Variants in PECAM1 observed in about 807,000 individuals in gnomAD.
The protein encoded by PECAM1 is platelet and endothelial cell adhesion molecule 1.
A neutral mutation model predicts 13.8 loss-of-function variants in PECAM1; 8 were observed. The observed-to-expected ratio is 0.58, with a 90% CI of 0.34 to 1.05. The LOEUF (loss-of-function observed/expected upper bound fraction) is 1.05. PECAM1 is among the 50% of genes least tolerant of loss of function. The pLI, the probability that PECAM1 is intolerant of heterozygous loss-of-function variation, is 0.03. For missense variants in PECAM1, 304 were observed against 141.2 expected (o/e 2.15, Z -5.84); for synonymous variants, 136 against 52.6 (o/e 2.58, Z -6.86).
chr17:64,386,529 A>C (rs1480105809), intron 2 of PECAM1, among the ~76,000 whole-genome samples: 1 of 152,204 alleles, frequency 6.6e-6, no homozygotes, highest in African/African-American at 2.4e-5. Context: ...ATTTTACCAC[A>C]ATTTAAAAAA....
At chr17:64,345,503 A>C (rs2035541110) in intron 13 of PECAM1, among the ~76,000 whole-genome samples, 1 of 152,062 alleles carries the variant, frequency 6.6e-6, no homozygotes, top group Non-Finnish European at 1.5e-5. Context: ...ACCTGAGGTC[A>C]GGAGTTGGAG....
At chr17:64,359,840 C>T (rs980874231) in intron 7 of PECAM1, among the ~76,000 whole-genome samples, 3 of 151,800 alleles carry the variant, frequency 2.0e-5, no homozygotes, top group Admixed American at 6.6e-5. Flanking sequence ...GCAACCTCTG[C>T]TTCCTGGGTT....
intron 2 of PECAM1, among the ~76,000 whole-genome samples, chr17:64,384,158 G>C (rs1477478203): frequency 2.0e-5 from 3 of 151,936 alleles, no homozygotes; most frequent in African/African-American, 7.3e-5. Flanking sequence ...AACAATAAAC[G>C]AACTCAATGG....
Position 64,321,622 on chromosome 17 carries a change from A to G in PECAM1, c.*2194T>C, listed in dbSNP as rs2034812870. 2 of 470,108 alleles carry G rather than the reference A, an allele frequency of 4.3e-6. No homozygotes were observed. Among genetic ancestry groups the G allele is most frequent in the African/African-American group, 2.1e-5 (1 of 47,772 alleles). The allele number at this position is 470,108 out of a possible 1,614,324, so 29.1% of individuals were successfully genotyped here. A position where few individuals can be genotyped will look rare whatever the true frequency, so the allele number is the denominator to read the frequency against. ...AAAAAAAATTAAAAATTAGCCAGCT[A>G]TGGCGGCTCACGCCTCTGGTCCCAG... On this transcript the variant is annotated 3_prime_UTR_variant, in exon 16 of 16. Coordinates refer to ENST00000563924, the MANE Select transcript of PECAM1 (RefSeq NM_000442.5).
At chr17:64,372,267 G>T (rs950198460) in intron 4 of PECAM1, among the ~76,000 whole-genome samples, 21 of 152,040 alleles carry the variant, frequency 1.4e-4, no homozygotes, top group Admixed American at 4.6e-4. Flanking sequence ...AAGAAAGAAA[G>T]AAAAAGTTTG....
chr17:64,366,102 A>G (rs1304749113), intron 5 of PECAM1, among the ~76,000 whole-genome samples: 1 of 147,216 alleles, frequency 6.8e-6, no homozygotes, highest in East Asian at 2.0e-4. Context: ...TCCAGAATCT[A>G]CAATGAACTC....
intron 6 of PECAM1, among the ~76,000 whole-genome samples, chr17:64,362,832 C>A: frequency 1.4e-5 from 1 of 70,764 alleles, no homozygotes. Context: ...CTGGGCGACA[C>A]GTCTCAAAAA....
chr17:64,379,804 G>A (rs948979190), intron 2 of PECAM1, among the ~76,000 whole-genome samples: 55 of 151,688 alleles, frequency 3.6e-4, no homozygotes, highest in African/African-American at 1.2e-3. Flanking sequence ...CAGGAGGATC[G>A]CTTGAGCCCA....
At chr17:64,379,606 T>C in intron 2 of PECAM1, among the ~76,000 whole-genome samples, 1 of 152,306 alleles carries the variant, frequency 6.6e-6, no homozygotes. Flanking sequence ...ACTCACTAGC[T>C]TCCCTGTGGT....
chr17:64,328,847 G>A (rs962682800), intron 15 of PECAM1, among the ~76,000 whole-genome samples: 2 of 152,150 alleles, frequency 1.3e-5, no homozygotes, highest in Non-Finnish European at 2.9e-5. Context: ...CAAAAAGGTT[G>A]GGATTGGAAG....
intron 14 of PECAM1, among the ~76,000 whole-genome samples, chr17:64,338,301 A>C (rs2035337201): frequency 6.9e-6 from 1 of 144,760 alleles, no homozygotes; most frequent in Non-Finnish European, 1.5e-5. Flanking sequence ...GCTGGTCTCA[A>C]ATTCCTGGGC....
chr17:64,350,324 G>C (rs1167780165), intron 12 of PECAM1, 56 bp downstream of exon 12: 1 of 408,690 alleles, frequency 2.4e-6, no homozygotes, highest in African/African-American at 2.1e-5. Context: ...TTTCCTATGA[G>C]TCTTTTTTTT....
At chr17:64,387,558 C>T (rs992524129) in intron 2 of PECAM1, among the ~76,000 whole-genome samples, 8 of 152,028 alleles carry the variant, frequency 5.3e-5, no homozygotes, top group Admixed American at 4.6e-4. Context: ...CTTGAATGCA[C>T]GTAGGCGTGG....
chr17:64,327,620 C>T (rs1013897604), intron 15 of PECAM1, among the ~76,000 whole-genome samples: 1 of 152,214 alleles, frequency 6.6e-6, no homozygotes, highest in Non-Finnish European at 1.5e-5. Flanking sequence ...TCCAGATTCA[C>T]CCCTTTCATT....
chr17:64,331,344 G>A (rs1555646663), intron 14 of PECAM1, among the ~76,000 whole-genome samples: 1 of 152,040 alleles, frequency 6.6e-6, no homozygotes, highest in East Asian at 1.9e-4. Context: ...CACCACAATA[G>A]CCGGGTAATT....
Position 64,369,877 on chromosome 17 carries a change from G to A in PECAM1, c.840C>T (p.Ala280=). 2 of 398,636 alleles carry A rather than the reference G, an allele frequency of 5.0e-6. No homozygotes were observed. Among genetic ancestry groups the A allele is most frequent in the East Asian group, 7.1e-5 (2 of 28,076 alleles). The allele number at this position is 398,636 out of a possible 1,614,324, so 24.7% of individuals were successfully genotyped here. A position where few individuals can be genotyped will look rare whatever the true frequency, so the allele number is the denominator to read the frequency against. ...IIIQKDKAIV[A]HNRHGNKAVY... ...CAGCCTTGTTGCCATGTCTGTTGTG[G>A]GCCACAATCGCCTTGTCCTTCTGAA... The change falls in exon 5 of 16, where the codon GCC becomes GCT. Residue 280 remains alanine (A), a synonymous_variant. Coordinates refer to ENST00000563924, the MANE Select transcript of PECAM1 (RefSeq NM_000442.5).
At chr17:64,368,858 AG>A (rs2036170477) in intron 5 of PECAM1, among the ~76,000 whole-genome samples, 1 of 150,508 alleles carries the variant, frequency 6.6e-6, no homozygotes. Flanking sequence ...GTCTCAAAAA[AG>A]AAAAAAAAAA....
chr17:64,369,887 G>T lies in PECAM1; in HGVS notation c.830C>A (p.Ala277Glu). The change falls in exon 5 of 16, where the codon GCG becomes GAG. Residue 277 changes from alanine to glutamate, a missense_variant. Transcript: ENST00000563924. ...GCCATGTCTGTTGTGGGCCACAATCGCCTTGTCCTTCTGAATTATGATTTC... is the reference window on the plus strand; with the variant it reads ...GCCATGTCTGTTGTGGGCCACAATCTCCTTGTCCTTCTGAATTATGATTTC... ...FPEIIIQKDK[A>E]IVAHNRHGNK... The T allele has an allele frequency of 2.5e-6, 1 of 398,620 alleles. No individual in the cohort carries two copies. Among genetic ancestry groups the T allele is most frequent in the Non-Finnish European group, 4.4e-6 (1 of 226,114 alleles). 24.7% of individuals were successfully genotyped at this position (398,620 alleles called of 1,614,324 possible).
At chr17:64,370,667 G>C (rs1039286709) in intron 4 of PECAM1, among the ~76,000 whole-genome samples, 1 of 152,144 alleles carries the variant, frequency 6.6e-6, no homozygotes, top group Non-Finnish European at 1.5e-5. Flanking sequence ...GCAACATAGT[G>C]AGACCCTATC....
Sources: gnomAD v4.1 joint callset for allele counts (sites outside exome capture counted in the v4.1 genomes callset) on GRCh38, gnomAD v4.1.1 for gene constraint, MANE v1.5 for transcripts, NCBI Gene and HGNC (gene_info 2026-07-23, HGNC 2026-07-21) for gene names.